The following BBS9 variants were observed in gnomAD, a reference collection of about 807,000 sequenced individuals.
BBS9 encodes protein PTHB1.
Under a neutral mutation model 117.7 loss-of-function variants are expected in BBS9, and 89 were observed. The ratio of observed to expected loss-of-function variants is 0.76; its 90% CI spans 0.64 to 0.90. The LOEUF (loss-of-function observed/expected upper bound fraction) is 0.90, where lower values mean the gene tolerates loss of function less well. Ranked by LOEUF, BBS9 falls within the 40% of genes least tolerant of loss-of-function variation. BBS9 has a pLI of 0.00. For missense variants in BBS9, 982 were observed against 1,042.2 expected, an observed-to-expected ratio of 0.94 and a Z score of 0.80; for synonymous variants, 379 against 370.9, an observed-to-expected ratio of 1.02 and a Z score of -0.25.
intron 21 of BBS9, among the ~76,000 whole-genome samples, chr7:33,597,653 A>G (rs1222906541): frequency 6.6e-6 from 1 of 151,962 alleles, no homozygotes; most frequent in Non-Finnish European, 1.5e-5. Context: ...CCAACTCACA[A>G]GCAAATCCAT....
intron 21 of BBS9, among the ~76,000 whole-genome samples, chr7:33,592,195 A>G (rs747108650): frequency 1.3e-5 from 2 of 152,038 alleles, no homozygotes; most frequent in Non-Finnish European, 2.9e-5. Context: ...GTAATGACTA[A>G]TATATATTGG....
At position 33,186,160 on chromosome 7, in the gene BBS9, T is replaced by C. The variant is rs142727662; in HGVS notation, c.442+8569T>C. ...TTAAAACTTTTAAGTTGCATTTGAA[T>C]TATAAGGGGATCGTGATTAAAATGC... On this transcript the variant is annotated intron_variant, in intron 5 of 22. Coordinates refer to ENST00000242067, the MANE Select transcript of BBS9 (RefSeq NM_198428.3). Among the ~76,000 whole-genome samples the C allele has an allele frequency of 3.7e-4, 56 of 152,360 alleles. 2 individuals are homozygous for C. The East Asian group carries it at 0.01, about 27-fold the overall frequency.
chr7:33,190,741 A>G (rs1403139047), intron 5 of BBS9, among the ~76,000 whole-genome samples: 2 of 152,224 alleles, frequency 1.3e-5, no homozygotes, highest in African/African-American at 4.8e-5. Context: ...TCCAACTCAC[A>G]GGCTCTGGTT....
chr7:33,314,319 C>T (rs985699426), intron 9 of BBS9: 4 of 422,194 alleles, frequency 9.5e-6, no homozygotes, highest in Non-Finnish European at 1.9e-5. Flanking sequence ...TGAAGTTTCT[C>T]CTTTTCTTTG....
At chr7:33,411,796 T>G (rs1172080765) in intron 19 of BBS9, among the ~76,000 whole-genome samples, 3 of 152,254 alleles carry the variant, frequency 2.0e-5, no homozygotes, top group Middle Eastern at 3.4e-3. Context: ...GATTGTGCTA[T>G]CAAATATTTA....
chr7:33,575,967 C>A lies in BBS9; in HGVS notation c.2522-28898C>A, dbSNP rs1001039514. On this transcript the variant is annotated intron_variant, in intron 21 of 22. Coordinates refer to ENST00000242067, the MANE Select transcript of BBS9 (RefSeq NM_198428.3). ...CAGTATCATACTGAATGGGCAAAAA[C>A]TGGAAGCATACCCTTTGAAAACACG... Among the ~76,000 whole-genome samples the A allele has an allele frequency of 3.3e-5, 5 of 152,264 alleles. No homozygotes were observed. The South Asian group carries it at 8.3e-4, about 25-fold the overall frequency.
chr7:33,309,496 T>A (rs1808733610), intron 9 of BBS9, among the ~76,000 whole-genome samples: 1 of 152,214 alleles, frequency 6.6e-6, no homozygotes, highest in South Asian at 2.1e-4. Context: ...ATTTGGTGAC[T>A]TTTTATATAG....
At chr7:33,543,813 T>C (rs931495369) in intron 21 of BBS9, among the ~76,000 whole-genome samples, 1 of 152,200 alleles carries the variant, frequency 6.6e-6, no homozygotes, top group Non-Finnish European at 1.5e-5. Context: ...TAGAATTCTC[T>C]TCTTCCTCGG....
chr7:33,288,396 T>A (rs1009964014), intron 9 of BBS9, among the ~76,000 whole-genome samples: 2 of 152,156 alleles, frequency 1.3e-5, no homozygotes, highest in Admixed American at 6.5e-5. Flanking sequence ...TTGTGGTGCA[T>A]TGGCAAGACT....
chr7:33,387,420 G>A (rs1387711358), intron 18 of BBS9, among the ~76,000 whole-genome samples: 1 of 152,050 alleles, frequency 6.6e-6, no homozygotes, highest in African/African-American at 2.4e-5. Context: ...CTTTGTCTCT[G>A]TAGTTATTGC....
At chr7:33,444,032 C>T (rs1481343228) in intron 19 of BBS9, among the ~76,000 whole-genome samples, 1 of 152,194 alleles carries the variant, frequency 6.6e-6, no homozygotes, top group Non-Finnish European at 1.5e-5. Context: ...AATTGCTCTC[C>T]TCTTCTTTCC....
rs556713159 is a variant in BBS9, at chr7:33,186,795, T to C, written c.442+9204T>C. 2.2e-4 allele frequency among the ~76,000 whole-genome samples: 34 copies of C among 152,326 alleles called. 1 individual carries two copies. The South Asian group carries it at 6.4e-3, about 29-fold the overall frequency. Reference sequence around the variant, plus strand: ...GCTTTTTTGAAGGAATATGTGATTTTGGGTTCTAAAAAAATATTAGTTTAT... The same window carrying C: ...GCTTTTTTGAAGGAATATGTGATTTCGGGTTCTAAAAAAATATTAGTTTAT... On this transcript the variant is annotated intron_variant, in intron 5 of 22. Transcript: ENST00000242067.
rs549034081 is a variant in BBS9, at chr7:33,222,398, G to T, written c.443-34838G>T. On this transcript the variant is annotated intron_variant, in intron 5 of 22. Transcript: ENST00000242067. ...TAAGGATCGTTGGCCCTGATTTCCT[G>T]TGGCTTTCAACAGGGAATTCTAATA... is the stretch of plus-strand genomic sequence containing the variant. 3.3e-5 allele frequency among the ~76,000 whole-genome samples: 5 copies of T among 152,224 alleles called. No homozygotes were observed. The East Asian group carries it at 9.7e-4, about 29-fold the overall frequency.
intron 21 of BBS9, among the ~76,000 whole-genome samples, chr7:33,538,324 T>C (rs1470314664): frequency 6.6e-6 from 1 of 152,230 alleles, no homozygotes; most frequent in African/African-American, 2.4e-5. Flanking sequence ...TTTTGAGATG[T>C]GGTAGGGACC....
intron 21 of BBS9, among the ~76,000 whole-genome samples, chr7:33,596,880 T>C (rs927075807): frequency 3.3e-5 from 5 of 152,106 alleles, no homozygotes; most frequent in Admixed American, 6.6e-5. Flanking sequence ...ACTTTCTAAA[T>C]ACTCAGCCAG....
intron 9 of BBS9, among the ~76,000 whole-genome samples, chr7:33,325,172 AT>A (rs1356872212): frequency 4.0e-5 from 6 of 151,660 alleles, no homozygotes; most frequent in East Asian, 1.9e-4. Context: ...TTTTTAAATT[AT>A]TTTTTCTTTT....
intron 19 of BBS9, among the ~76,000 whole-genome samples, chr7:33,461,541 A>T (rs1277783392): frequency 6.6e-6 from 1 of 151,912 alleles, no homozygotes; most frequent in East Asian, 1.9e-4. Flanking sequence ...TCAGAAAAAG[A>T]TTCCAGGCTT....
At chr7:33,609,047 T>C (rs1864733678), downstream of BBS9, among the ~76,000 whole-genome samples, 1 of 152,122 alleles carries the variant, frequency 6.6e-6, no homozygotes, top group South Asian at 2.1e-4. Flanking sequence ...TAATGACAGA[T>C]AGGGGTCCAG....
At chr7:33,552,330 C>T (rs887529792) in intron 21 of BBS9, among the ~76,000 whole-genome samples, 7 of 152,110 alleles carry the variant, frequency 4.6e-5, no homozygotes, top group South Asian at 2.1e-4. Context: ...GAATCACTTA[C>T]GTGAACATTA....
Sources: gnomAD v4.1 joint callset for allele counts (sites outside exome capture counted in the v4.1 genomes callset) on GRCh38, gnomAD v4.1.1 for gene constraint, MANE v1.5 for transcripts, NCBI Gene and HGNC (gene_info 2026-07-23, HGNC 2026-07-21) for gene names.